Variants in AFAP1 observed in about 807,000 individuals in gnomAD.
AFAP1 encodes actin filament-associated protein 1.
Under a neutral mutation model 93.9 loss-of-function variants are expected in AFAP1, and 75 were observed. That is an observed-to-expected ratio of 0.80 (90% CI 0.66 to 0.97). The LOEUF (loss-of-function observed/expected upper bound fraction) is 0.97. Ranked by LOEUF, AFAP1 falls within the 50% of genes least tolerant of loss-of-function variation. The probability of loss-of-function intolerance (pLI) is 0.00; values close to 1 mark genes in which losing one functional copy is unlikely to be tolerated. For missense variants in AFAP1, 1,201 were observed against 1,050.8 expected (o/e 1.14, Z -1.98); for synonymous variants, 517 against 430.7 (o/e 1.20, Z -2.48).
chr4:7,882,090 T>C (rs1717884507), intron 1 of AFAP1, among the ~76,000 whole-genome samples: 1 of 152,104 alleles, frequency 6.6e-6, no homozygotes, highest in Non-Finnish European at 1.5e-5. Context: ...CACGACCCCA[T>C]ACCTCCTGTC....
At chr4:7,809,258 G>T (rs561983225) in intron 9 of AFAP1, among the ~76,000 whole-genome samples, 1 of 148,796 alleles carries the variant, frequency 6.7e-6, no homozygotes, top group South Asian at 2.1e-4. Context: ...GGAAAGAACT[G>T]GCCTTAGTTC....
intron 1 of AFAP1, among the ~76,000 whole-genome samples, chr4:7,937,540 G>T (rs892057958): frequency 2.0e-5 from 3 of 152,184 alleles, no homozygotes; most frequent in Admixed American, 2.0e-4. Context: ...AGGCTGGAGT[G>T]CAGTGGAGTT....
At chr4:7,842,890 G>A (rs1469255050) in intron 5 of AFAP1, 2 of 498,168 alleles carry the variant, frequency 4.0e-6, no homozygotes, top group Non-Finnish European at 7.2e-6. Flanking sequence ...CCGGGAATGG[G>A]AATGATTTTG....
At chr4:7,912,846 T>G (rs1719815029) in intron 1 of AFAP1, among the ~76,000 whole-genome samples, 1 of 152,060 alleles carries the variant, frequency 6.6e-6, no homozygotes, top group Non-Finnish European at 1.5e-5. Context: ...AATAATCAGG[T>G]AGACAGCAAT....
chr4:7,780,165 G>A (rs372309940), intron 13 of AFAP1, among the ~76,000 whole-genome samples: 11 of 152,194 alleles, frequency 7.2e-5, no homozygotes, highest in African/African-American at 2.7e-4. Context: ...TTTGGCATAA[G>A]TCCTCAAAAG....
intron 6 of AFAP1, among the ~76,000 whole-genome samples, chr4:7,829,580 C>T (rs190485880): frequency 1.3e-5 from 2 of 152,318 alleles, no homozygotes; most frequent in Admixed American, 6.5e-5. Flanking sequence ...CACAGAAATA[C>T]TGATACAACT....
intron 1 of AFAP1, among the ~76,000 whole-genome samples, chr4:7,924,532 T>C (rs1028281530): frequency 6.6e-6 from 1 of 152,200 alleles, no homozygotes; most frequent in African/African-American, 2.4e-5. Context: ...GTTGTTTCTA[T>C]TCACTCTGAT....
intron 4 of AFAP1, among the ~76,000 whole-genome samples, chr4:7,845,495 T>C (rs562150096): frequency 6.6e-6 from 1 of 152,138 alleles, no homozygotes; most frequent in African/African-American, 2.4e-5. Context: ...ACTTTGGCAA[T>C]GGCACTAGGA....
intron 1 of AFAP1, among the ~76,000 whole-genome samples, chr4:7,907,358 T>C (rs1053740685): frequency 2.0e-5 from 3 of 152,182 alleles, no homozygotes; most frequent in African/African-American, 7.2e-5. Flanking sequence ...ATTTCAAAAT[T>C]CCCATGTTCT....
At chr4:7,819,025 C>A in intron 7 of AFAP1, 51 bp downstream of exon 7, 1 of 1,464,754 alleles carries the variant, frequency 6.8e-7, no homozygotes, top group African/African-American at 1.4e-5. Context: ...GAAAGAGACC[C>A]CAATCCACTG....
chr4:7,909,107 A>G (rs1373626446), intron 1 of AFAP1, among the ~76,000 whole-genome samples: 2 of 152,236 alleles, frequency 1.3e-5, no homozygotes, highest in African/African-American at 4.8e-5. Context: ...CAAATTCATT[A>G]GCTCTTAATA....
intron 2 of AFAP1, among the ~76,000 whole-genome samples, chr4:7,871,164 T>C (rs892328593): frequency 4.6e-5 from 7 of 152,284 alleles, no homozygotes; most frequent in African/African-American, 1.7e-4. Context: ...CTGCTTTTTA[T>C]TGTCCTGCTC....
chr4:7,901,594 C>A (rs73073948), intron 1 of AFAP1, among the ~76,000 whole-genome samples: 1 of 152,116 alleles, frequency 6.6e-6, no homozygotes, highest in South Asian at 2.1e-4. Context: ...GAGAACCGCA[C>A]AGGAGGGAAA....
intron 1 of AFAP1, among the ~76,000 whole-genome samples, chr4:7,936,274 CCAAA>C (rs1407780573): frequency 6.6e-6 from 1 of 152,140 alleles, no homozygotes; most frequent in Non-Finnish European, 1.5e-5. Flanking sequence ...TCCCACCTTA[CCAAA>C]CAGATAAATT....
At chr4:7,898,208 G>A (rs1296771207) in intron 1 of AFAP1, among the ~76,000 whole-genome samples, 1 of 152,036 alleles carries the variant, frequency 6.6e-6, no homozygotes, top group Non-Finnish European at 1.5e-5. Flanking sequence ...TCAGGAGTTC[G>A]AGACCAGCCT....
chr4:7,822,586 CTTTTTTTTTTT>C (rs5855982), intron 6 of AFAP1, among the ~76,000 whole-genome samples: 2 of 132,572 alleles, frequency 1.5e-5, no homozygotes, highest in South Asian at 4.8e-4. Flanking sequence ...TTTCTTTTTT[CTTTTTTTTTTT>C]TTTTTGAGAC....
chr4:7,816,064 C>T lies in AFAP1; in HGVS notation c.858G>A (p.Glu286=). Residue 286 remains glutamate, a synonymous_variant, in exon 8 of 18, where the codon GAG becomes GAA. Transcript: ENST00000420658. ...LSSERPSSDG[E]GVVENGITTC... Reference sequence around the variant, plus strand: ...TGGTAATTCCATTTTCCACAACACCCTCCCCATCTGAGCTGGGTCTCTCTG... The same window carrying T: ...TGGTAATTCCATTTTCCACAACACCTTCCCCATCTGAGCTGGGTCTCTCTG... The T allele has an allele frequency of 1.2e-6, 2 of 1,613,094 alleles. No homozygotes were observed. The highest frequency in any genetic ancestry group is 1.7e-6 in the Non-Finnish European group (2 of 1,179,704).
rs150766075 is a variant in AFAP1 at position 7,800,479 on chromosome 4, C to T, written c.1229G>A (p.Arg410Gln). Residue 410 changes from arginine (R) to glutamine (Q), a missense_variant, in exon 10 of 18, where the codon CGG becomes CAG. Transcript: ENST00000420658. ...AACCTCCTGGCCGTTGCGCAGCAGC[C>T]GGAACGTCAGAGGATGTTTAGAATC... Reference protein sequence around the residue: ...GLDSKHPLTFRLLRNGQEVAV... With the variant: ...GLDSKHPLTFQLLRNGQEVAV... 5.8e-5 allele frequency: 93 copies of T among 1,614,054 alleles called. No individual in the cohort carries two copies. The highest frequency in any genetic ancestry group is 1.2e-4 in the Admixed American group (7 of 60,008).
chr4:7,817,051 G>A (rs1477229008), intron 7 of AFAP1, among the ~76,000 whole-genome samples: 1 of 152,176 alleles, frequency 6.6e-6, no homozygotes, highest in Admixed American at 6.5e-5. Flanking sequence ...ACCAACATAA[G>A]TAAAGCAGAA....
Sources: allele counts gnomAD v4.1 joint callset (sites outside exome capture counted in the v4.1 genomes callset), GRCh38; gene constraint gnomAD v4.1.1; transcripts MANE v1.5; gene names NCBI Gene and HGNC (gene_info 2026-07-23, HGNC 2026-07-21).